The following NELL2 variants were observed in gnomAD, a reference collection of about 807,000 sequenced individuals.
The protein encoded by NELL2 is protein kinase C-binding protein NELL2.
NELL2 carries 41 observed loss-of-function variants against 109.6 expected under a neutral mutation model. The ratio of observed to expected loss-of-function variants is 0.37; its 90% confidence interval spans 0.29 to 0.49. The LOEUF is 0.49. Ranked by LOEUF, NELL2 falls within the 20% of genes least tolerant of loss-of-function variation. The pLI is 0.98. For synonymous variants in NELL2, 355 were observed against 344.7 expected, an observed-to-expected ratio of 1.03 and a Z score of -0.33; for missense variants, 900 against 1,008.3, an observed-to-expected ratio of 0.89 and a Z score of 1.45.
chr12:44,822,586 T>C (rs1178200025), intron 2 of NELL2, among the ~76,000 whole-genome samples: 1 of 152,244 alleles, frequency 6.6e-6, no homozygotes, highest in Non-Finnish European at 1.5e-5. Flanking sequence ...GAAACAGGCC[T>C]TGAAATGCTA....
At chr12:44,741,941 C>T (rs959026105) in intron 9 of NELL2, among the ~76,000 whole-genome samples, 1 of 152,190 alleles carries the variant, frequency 6.6e-6, no homozygotes, top group Non-Finnish European at 1.5e-5. Flanking sequence ...ATGTCCCTGT[C>T]GGACAGCTTT....
intron 9 of NELL2, among the ~76,000 whole-genome samples, chr12:44,741,266 A>G (rs1939942659): frequency 6.6e-6 from 1 of 152,238 alleles, no homozygotes; most frequent in African/African-American, 2.4e-5. Context: ...GCTAAAACTT[A>G]AAACTTTTCT....
chr12:44,893,939 G>C (rs1284983055), intron 1 of NELL2, among the ~76,000 whole-genome samples: 1 of 152,010 alleles, frequency 6.6e-6, no homozygotes, highest in Non-Finnish European at 1.5e-5. Context: ...TGTTTATAAA[G>C]TATAATAAAA....
chr12:44,682,739 T>A (rs688669), intron 12 of NELL2, among the ~76,000 whole-genome samples: 1 of 151,828 alleles, frequency 6.6e-6, no homozygotes, highest in Non-Finnish European at 1.5e-5. Flanking sequence ...AGATATGCGG[T>A]GTTATTTCTG....
At chr12:44,917,619 G>C (rs1032437266), upstream of NELL2, among the ~76,000 whole-genome samples, 9 of 152,146 alleles carry the variant, frequency 5.9e-5, no homozygotes, top group Admixed American at 3.9e-4. Flanking sequence ...CTAATCGATA[G>C]AATATGGCAA....
intron 12 of NELL2, among the ~76,000 whole-genome samples, chr12:44,703,484 C>T (rs1937671826): frequency 6.6e-6 from 1 of 152,128 alleles, no homozygotes; most frequent in African/African-American, 2.4e-5. Context: ...GGCAATTTCA[C>T]AGTGGAAGAA....
intron 2 of NELL2, among the ~76,000 whole-genome samples, chr12:44,817,600 C>T (rs1943394711): frequency 6.6e-6 from 1 of 152,078 alleles, no homozygotes; most frequent in South Asian, 2.1e-4. Context: ...GCATACCAGA[C>T]ATAGGAAAAG....
chr12:44,750,008 A>G (rs1940576048), intron 9 of NELL2, among the ~76,000 whole-genome samples: 2 of 152,108 alleles, frequency 1.3e-5, no homozygotes, highest in South Asian at 2.1e-4. Flanking sequence ...AAAGGTATAT[A>G]TATCAAGATA....
In NELL2 at chr12:44,681,383, T is replaced by C. The variant is rs185509874; in HGVS notation, c.1319-15774A>G. On this transcript the variant is annotated intron_variant, in intron 12 of 19. Coordinates refer to ENST00000429094, the MANE Select transcript of NELL2 (RefSeq NM_001145108.2). ...TTGTTGTTGTTGTTGGCATAACCCT[T>C]TTTTATTTATTTTTATTTATTTTAT... 1.1e-3 allele frequency among the ~76,000 whole-genome samples: 168 copies of C among 149,440 alleles called. 1 individual carries two copies. The highest frequency in any genetic ancestry group is 2.2e-3 in the Non-Finnish European group (148 of 67,260).
intron 15 of NELL2, among the ~76,000 whole-genome samples, chr12:44,604,285 G>T (rs1402139053): frequency 6.6e-6 from 1 of 151,978 alleles, no homozygotes; most frequent in Non-Finnish European, 1.5e-5. Flanking sequence ...GAGAGAAAGG[G>T]GAAGGAAGGA....
chr12:44,780,002 C>T lies in NELL2; in HGVS notation c.356G>A (p.Ser119Asn), dbSNP rs1941895424. 2 of 1,613,720 alleles carry T rather than the reference C, an allele frequency of 1.2e-6. No homozygotes were observed. The highest frequency in any genetic ancestry group is 1.3e-5 in the African/African-American group (1 of 75,032). The stretch of plus-strand genomic sequence containing the variant: ...CAGTCTGACTTCATTCCGATGGCCA[C>T]TACTTTCCAGTTCCAGGTACCTGCA... ...LDHRYLELES[S>N]GHRNEVRLHY... Residue 119 changes from serine (S) to asparagine (N), a missense_variant, in exon 4 of 20, where the codon AGT (serine) becomes AAT (asparagine). Physicochemically the swap from Ser to Asn is conservative, Grantham distance 46. Around this residue, in one of 4 missense-constraint regions of NELL2, gnomAD observed 200 missense variants for 191.8 expected, o/e 1.04. Coordinates refer to ENST00000429094, the MANE Select transcript of NELL2 (RefSeq NM_001145108.2).
intron 2 of NELL2, among the ~76,000 whole-genome samples, chr12:44,855,498 A>G (rs1258506618): frequency 6.6e-6 from 1 of 152,188 alleles, no homozygotes; most frequent in Non-Finnish European, 1.5e-5. Context: ...GTACGGGCTA[A>G]AAATTCTAAG....
chr12:44,540,672 T>C (rs1311796648), intron 15 of NELL2, among the ~76,000 whole-genome samples: 2 of 151,586 alleles, frequency 1.3e-5, no homozygotes, highest in African/African-American at 4.9e-5. Context: ...AAAGCAGCAG[T>C]GTAGAATTTG....
intron 3 of NELL2, among the ~76,000 whole-genome samples, chr12:44,809,774 C>T (rs138655983): frequency 3.9e-5 from 6 of 152,158 alleles, no homozygotes; most frequent in East Asian, 1.9e-4. Context: ...AATTCTGCAA[C>T]AGTGTGATCA....
intron 2 of NELL2, among the ~76,000 whole-genome samples, chr12:44,843,587 G>C (rs1944288805): frequency 6.6e-6 from 1 of 152,184 alleles, no homozygotes; most frequent in African/African-American, 2.4e-5. Context: ...GACTTGTTCT[G>C]TGCTGCTGTA....
At chr12:44,754,792 T>C (rs1226386909) in intron 9 of NELL2, among the ~76,000 whole-genome samples, 2 of 152,194 alleles carry the variant, frequency 1.3e-5, no homozygotes, top group African/African-American at 2.4e-5. Flanking sequence ...TAATAACCTA[T>C]TGAAAAGTAT....
intron 9 of NELL2, among the ~76,000 whole-genome samples, chr12:44,774,358 C>A (rs1941666777): frequency 6.6e-6 from 1 of 152,160 alleles, no homozygotes; most frequent in African/African-American, 2.4e-5. Context: ...AATGGAACAG[C>A]ATATCTTCTG....
chr12:44,872,190 T>C (rs189646768), intron 2 of NELL2, among the ~76,000 whole-genome samples: 43 of 152,270 alleles, frequency 2.8e-4, no homozygotes, highest in Non-Finnish European at 7.4e-5. Flanking sequence ...CATTCACTCC[T>C]CTAATTTTTA....
In NELL2 at chr12:44,696,121, T is replaced by C. The variant is rs184757324; in HGVS notation, c.1318+7605A>G. Among the ~76,000 whole-genome samples the C allele has an allele frequency of 1.8e-4, 27 of 152,326 alleles. No homozygotes were observed. The East Asian group carries it at 2.5e-3, about 14-fold the overall frequency. The stretch of plus-strand genomic sequence containing the variant: ...AAGAAAGAGGGTAGAAGAGGCATCA[T>C]TGGCCAAAAGATAGCATTACAAAGA... On this transcript the variant is annotated intron_variant, in intron 12 of 19. Transcript: ENST00000429094.
Sources: gnomAD v4.1 joint callset for allele counts (sites outside exome capture counted in the v4.1 genomes callset) on GRCh38, gnomAD v4.1.1 for gene constraint, gnomAD v4.1.1 regional missense constraint, MANE v1.5 for transcripts, NCBI Gene and HGNC (gene_info 2026-07-23, HGNC 2026-07-21) for gene names.